FHIT: variants seen among roughly 807,000 people sequenced by gnomAD.
The protein encoded by FHIT is bis(5'-adenosyl)-triphosphatase.
FHIT carries 19 observed loss-of-function variants against 17.9 expected under a neutral mutation model. The observed-to-expected ratio is 1.06, with a 90% CI of 0.74 to 1.56. FHIT has a LOEUF of 1.56. FHIT is among the 40% of genes most tolerant of loss of function. FHIT has a pLI of 0.00. For synonymous variants in FHIT, 81 were observed against 69.7 expected (o/e 1.16, Z -0.81); for missense variants, 248 against 189.2 (o/e 1.31, Z -1.82).
chr3:59,997,646 AAAGAG>A, intron 7 of FHIT, among the ~76,000 whole-genome samples: 1 of 152,332 alleles, frequency 6.6e-6, no homozygotes, highest in Middle Eastern at 3.4e-3. Context: ...TATTCTGTTT[AAAGAG>A]AAGAATGTGA....
intron 7 of FHIT, among the ~76,000 whole-genome samples, chr3:59,997,847 G>A (rs552654011): frequency 6.6e-6 from 1 of 152,270 alleles, no homozygotes; most frequent in Middle Eastern, 3.4e-3. Flanking sequence ...TCAGGAGACA[G>A]TGGGGTGATA....
intron 2 of FHIT, among the ~76,000 whole-genome samples, chr3:61,061,775 C>A (rs2034439466): frequency 1.3e-5 from 2 of 152,114 alleles, no homozygotes; most frequent in Non-Finnish European, 2.9e-5. Flanking sequence ...TTACAAGGTA[C>A]ACGTTATTGC....
chr3:59,790,330 C>T (rs59191397), intron 8 of FHIT, among the ~76,000 whole-genome samples: 1,701 of 152,214 alleles, frequency 0.011, 24 homozygotes, highest in South Asian at 0.032. Context: ...TTTAAGGACA[C>T]GGTGCACTGA....
intron 3 of FHIT, among the ~76,000 whole-genome samples, chr3:61,013,179 A>T (rs7429700): frequency 0.089 from 13,478 of 152,094 alleles, 620 homozygotes; most frequent in East Asian, 0.17. Flanking sequence ...AAGAAAGAAG[A>T]AAAAAAGGAG....
In FHIT at chr3:60,712,538, C is replaced by G. The variant is rs1172788766; in HGVS notation, c.-18+109381G>C. ...TGCTGTATTCAGGAAACCCATCTCA[C>G]ATACAGAGACACACATAGGCTCAAA... On this transcript the variant is annotated intron_variant, in intron 4 of 9. Coordinates refer to ENST00000492590, the MANE Select transcript of FHIT (RefSeq NM_002012.4). Among the ~76,000 whole-genome samples the G allele has an allele frequency of 3.4e-4, 51 of 151,930 alleles. No individual in the cohort carries two copies. In the Middle Eastern group the frequency reaches 0.01, roughly 30 times the overall value.
intron 5 of FHIT, among the ~76,000 whole-genome samples, chr3:60,533,610 C>T (rs372333638): frequency 5.6e-4 from 85 of 152,200 alleles, no homozygotes; most frequent in African/African-American, 2.0e-3. Context: ...GTTTTGTTTT[C>T]TTCCCTAGGA....
Position 60,275,086 on chromosome 3 carries a change from A to C in FHIT, c.104-260934T>G, listed in dbSNP as rs543608887. Among the ~76,000 whole-genome samples the C allele has an allele frequency of 1.4e-3, 206 of 152,272 alleles. 2 individuals carry two copies. The highest frequency in any genetic ancestry group is 6.8e-3 in the Middle Eastern group (2 of 294). On this transcript the variant is annotated intron_variant, in intron 5 of 9. Coordinates refer to ENST00000492590, the MANE Select transcript of FHIT (RefSeq NM_002012.4). ...AAAGACTCCTTATGGCTATATTTTA[A>C]GGATTCAAGTTCATTTATTTGTGAT...
chr3:60,668,501 C>T (rs1716707), intron 4 of FHIT, among the ~76,000 whole-genome samples: 2 of 149,390 alleles, frequency 1.3e-5, no homozygotes, highest in Non-Finnish European at 3.0e-5. Context: ...TTGGGACACT[C>T]TAAACACTCT....
rs751885564 is a variant in FHIT at position 60,536,882 on chromosome 3, A to T, written c.81T>A (p.Asn27Lys). The T allele has an allele frequency of 8.1e-6, 13 of 1,610,118 alleles. No homozygotes were observed. The highest frequency in any genetic ancestry group is 8.5e-7 in the Non-Finnish European group (1 of 1,178,484). ...LKTELSFALVNRKPVVPGHVL... is the reference protein window; with the variant it reads ...LKTELSFALVKRKPVVPGHVL... ...TACGTCCTGGTACCACAGGTTTCCT[A>T]TTCACAAGAGCGAAGGACAGTTCTG... is the stretch of plus-strand genomic sequence containing the variant. The change falls in exon 5 of 10, where the codon AAT becomes AAA. Residue 27 changes from asparagine (N) to lysine (K), a missense_variant. Physicochemically the swap from Asn to Lys is moderately conservative, Grantham distance 94. Transcript: ENST00000492590.
chr3:60,857,115 C>G (rs1703420055), intron 3 of FHIT, among the ~76,000 whole-genome samples: 1 of 152,054 alleles, frequency 6.6e-6, no homozygotes, highest in Admixed American at 6.6e-5. Context: ...GTGTAACAAG[C>G]CTGAACATAC....
intron 3 of FHIT, among the ~76,000 whole-genome samples, chr3:60,926,978 C>T (rs1374149922): frequency 2.0e-5 from 3 of 152,144 alleles, no homozygotes; most frequent in Admixed American, 1.3e-4. Flanking sequence ...TCCCTTTCAT[C>T]TCCGTCTCCC....
intron 5 of FHIT, among the ~76,000 whole-genome samples, chr3:60,147,605 C>T (rs1006601233): frequency 3.3e-5 from 5 of 152,058 alleles, no homozygotes; most frequent in Non-Finnish European, 2.9e-5. Context: ...TCTTTGAATC[C>T]TATTTGTTTA....
intron 5 of FHIT, among the ~76,000 whole-genome samples, chr3:60,165,229 C>T (rs545387687): frequency 2.0e-5 from 3 of 152,294 alleles, no homozygotes; most frequent in Non-Finnish European, 2.9e-5. Context: ...GTCCACCACA[C>T]GCAGAGTAGA....
intron 5 of FHIT, among the ~76,000 whole-genome samples, chr3:60,452,665 T>C (rs1030546496): frequency 5.3e-5 from 8 of 152,184 alleles, no homozygotes; most frequent in Non-Finnish European, 8.8e-5. Context: ...AAATATTCTC[T>C]CCAAAAATCT....
intron 5 of FHIT, among the ~76,000 whole-genome samples, chr3:60,093,957 G>A (rs954093468): frequency 3.3e-5 from 5 of 152,080 alleles, no homozygotes; most frequent in African/African-American, 4.8e-5. Flanking sequence ...AAATACAAGT[G>A]AGTGCCTCTC....
chr3:61,026,754 C>G (rs893847956), intron 3 of FHIT, among the ~76,000 whole-genome samples: 4 of 152,004 alleles, frequency 2.6e-5, no homozygotes, highest in African/African-American at 9.7e-5. Flanking sequence ...AAAGATTGGA[C>G]GCCGCTGCTA....
At chr3:60,158,580 G>T (rs1374745496) in intron 5 of FHIT, among the ~76,000 whole-genome samples, 1 of 152,116 alleles carries the variant, frequency 6.6e-6, no homozygotes, top group African/African-American at 2.4e-5. Flanking sequence ...GCAAAGTGCT[G>T]GGATTACAGG....
At chr3:60,216,612 C>G (rs575872704) in intron 5 of FHIT, among the ~76,000 whole-genome samples, 87 of 152,218 alleles carry the variant, frequency 5.7e-4, no homozygotes, top group Non-Finnish European at 1.0e-3. Context: ...CTACTCTAAG[C>G]TGACTGCTTA....
At chr3:60,326,026 G>A (rs1213348053) in intron 5 of FHIT, among the ~76,000 whole-genome samples, 2 of 151,996 alleles carry the variant, frequency 1.3e-5, no homozygotes, top group East Asian at 3.9e-4. Flanking sequence ...GAAGAGATAA[G>A]AACTTGACCA....
Sources: allele counts gnomAD v4.1 joint callset (sites outside exome capture counted in the v4.1 genomes callset), GRCh38; gene constraint gnomAD v4.1.1; transcripts MANE v1.5; gene names NCBI Gene and HGNC (gene_info 2026-07-23, HGNC 2026-07-21).